The following TMED5 variants were observed in gnomAD, a reference collection of about 807,000 sequenced individuals.
The protein encoded by TMED5 is transmembrane emp24 domain-containing protein 5.
Under a neutral mutation model 23.0 loss-of-function variants are expected in TMED5, and 27 were observed. The ratio of observed to expected loss-of-function variants is 1.17; its 90% CI spans 0.86 to 1.62. TMED5 has a LOEUF of 1.62. TMED5 is among the 40% of genes most tolerant of loss of function. TMED5 has a pLI of 0.00. For synonymous variants in TMED5, 97 were observed against 100.8 expected, an observed-to-expected ratio of 0.96 and a Z score of 0.23; for missense variants, 248 against 273.7, an observed-to-expected ratio of 0.91 and a Z score of 0.66.
chr1:93,154,470 T>C lies in TMED5; in HGVS notation c.*200A>G. ...AAACCTATATTCTGCAAAATATTCC[T>C]GTTACACACTTAAGTACAACTGGAT... On this transcript the variant is annotated 3_prime_UTR_variant, in exon 4 of 4. Transcript: ENST00000370282. 1.7e-6 allele frequency: 1 copy of C among 574,568 alleles called. No homozygotes were observed. 35.6% of individuals were successfully genotyped at this position (574,568 alleles called of 1,614,324 possible). A position where few individuals can be genotyped will look rare whatever the true frequency, so the allele number is the denominator to read the frequency against.
chr1:93,171,078 T>G (rs1300007030), intron 1 of TMED5, among the ~76,000 whole-genome samples: 1 of 152,184 alleles, frequency 6.6e-6, no homozygotes, highest in East Asian at 1.9e-4. Context: ...TGCTGCTCAC[T>G]CTTTGGGTTC....
At chr1:93,169,062 T>C (rs778144351) in intron 1 of TMED5, among the ~76,000 whole-genome samples, 1 of 152,180 alleles carries the variant, frequency 6.6e-6, no homozygotes, top group Non-Finnish European at 1.5e-5. Flanking sequence ...TCAGTAAGGA[T>C]ATAGTTGAAC....
At chr1:93,156,103 G>T (rs1378393680) in intron 3 of TMED5, 197 bp downstream of exon 3, 37 of 1,380,662 alleles carry the variant, frequency 2.7e-5, no homozygotes, top group Admixed American at 2.3e-4. Flanking sequence ...TAAGTTATTT[G>T]AAAACTATAA....
At chr1:93,168,798 G>T (rs1648594398) in intron 1 of TMED5, among the ~76,000 whole-genome samples, 1 of 152,200 alleles carries the variant, frequency 6.6e-6, no homozygotes, top group Non-Finnish European at 1.5e-5. Flanking sequence ...TGGCACCACT[G>T]CACTAGAGCC....
chr1:93,163,812 AT>A (rs1648383280), intron 1 of TMED5, among the ~76,000 whole-genome samples: 1 of 150,554 alleles, frequency 6.6e-6, no homozygotes, highest in African/African-American at 2.4e-5. Context: ...CCTGTCTCTA[AT>A]AAAAAAAAAA....
At chr1:93,157,252 T>C (rs1057018963) in intron 2 of TMED5, among the ~76,000 whole-genome samples, 1 of 152,180 alleles carries the variant, frequency 6.6e-6, no homozygotes, top group Admixed American at 6.5e-5. Context: ...GGCTCCCTTA[T>C]AGATGTTTAT....
intron 1 of TMED5, among the ~76,000 whole-genome samples, chr1:93,177,584 C>CAA (rs11322215): frequency 0.014 from 626 of 44,434 alleles, 103 homozygotes; most frequent in African/African-American, 0.066. Context: ...GACTCTGTCT[C>CAA]AAAAAAAAAA....
At chr1:93,179,896 C>T in intron 1 of TMED5, 158 bp downstream of exon 1, 1 of 712,206 alleles carries the variant, frequency 1.4e-6, no homozygotes, top group Non-Finnish European at 2.2e-6. Context: ...GAGAGCCTCG[C>T]CTCGCCTCGC....
intron 1 of TMED5, among the ~76,000 whole-genome samples, chr1:93,171,151 C>T (rs912151018): frequency 1.3e-5 from 2 of 152,140 alleles, no homozygotes; most frequent in African/African-American, 2.4e-5. Context: ...CTGAAGCCAG[C>T]GAGACCACAA....
At chr1:93,175,314 T>C (rs1052299954) in intron 1 of TMED5, among the ~76,000 whole-genome samples, 186 of 109,054 alleles carry the variant, frequency 1.7e-3, no homozygotes, top group African/African-American at 5.0e-3. Context: ...TATATATATA[T>C]ATACACACAC....
At chr1:93,159,438 T>A (rs893775979) in intron 2 of TMED5, among the ~76,000 whole-genome samples, 5 of 152,036 alleles carry the variant, frequency 3.3e-5, no homozygotes, top group African/African-American at 9.7e-5. Flanking sequence ...GACTCACAGT[T>A]TAAACATATA....
chr1:93,156,106 A>G, intron 3 of TMED5, 194 bp downstream of exon 3: 1 of 1,366,054 alleles, frequency 7.3e-7, no homozygotes, highest in South Asian at 1.5e-5. Flanking sequence ...GTTATTTGAA[A>G]ACTATAAAAG....
intron 1 of TMED5, among the ~76,000 whole-genome samples, chr1:93,170,431 T>C (rs1648681400): frequency 6.6e-6 from 1 of 152,298 alleles, no homozygotes; most frequent in African/African-American, 2.4e-5. Context: ...CTGTGCTCGA[T>C]TTCTCGCAGG....
Position 93,160,112 on chromosome 1 carries a change from T to C in TMED5, c.287+17A>G. On this transcript the variant is annotated intron_variant, in intron 2 of 3. Transcript: ENST00000370282. ...GTATTATTCAGCAATGAAACTCAAC[T>C]AAAAGAGATTACTTACGTGTGAACT... is the stretch of plus-strand genomic sequence containing the variant. 6.4e-7 allele frequency: 1 copy of C among 1,557,502 alleles called. No homozygotes were observed. The highest frequency in any genetic ancestry group is 8.8e-7 in the Non-Finnish European group (1 of 1,130,110).
At chr1:93,167,918 G>T (rs1341405785) in intron 1 of TMED5, among the ~76,000 whole-genome samples, 3 of 152,128 alleles carry the variant, frequency 2.0e-5, no homozygotes, top group Non-Finnish European at 4.4e-5. Context: ...TTATGTTGAG[G>T]TATGTTTCTT....
intron 1 of TMED5, 91 bp downstream of exon 1, chr1:93,179,963 G>A (rs1451233128): frequency 8.7e-6 from 12 of 1,372,868 alleles, no homozygotes; most frequent in African/African-American, 1.5e-5. Flanking sequence ...CACCACCAGG[G>A]CCGTCCACCA....
chr1:93,165,084 T>G lies in TMED5; in HGVS notation c.190-4858A>C, dbSNP rs1648445962. Among the ~76,000 whole-genome samples the G allele has an allele frequency of 2.6e-5, 4 of 152,300 alleles. No homozygotes were observed. The South Asian group carries it at 8.3e-4, about 32-fold the overall frequency. ...CTAAGTCCAACAACTAGTAAGGAATTGAATCCTGTCAACAACCATGAGTGA... is the reference window on the plus strand; with the variant it reads ...CTAAGTCCAACAACTAGTAAGGAATGGAATCCTGTCAACAACCATGAGTGA... On this transcript the variant is annotated intron_variant, in intron 1 of 3. Coordinates refer to ENST00000370282, the MANE Select transcript of TMED5 (RefSeq NM_016040.5).
chr1:93,157,801 A>G (rs1648125985), intron 2 of TMED5, among the ~76,000 whole-genome samples: 1 of 152,222 alleles, frequency 6.6e-6, no homozygotes, highest in African/African-American at 2.4e-5. Flanking sequence ...TAATATAGCT[A>G]AAGATAAAAG....
chr1:93,151,549 T>C lies in TMED5; in HGVS notation c.*3121A>G, dbSNP rs1336384045. ...AGACCTGAATAATCAATTTCTGGGG[T>C]GAGGTGGAGCAGGTAAGTTCCCTGG... is the stretch of plus-strand genomic sequence containing the variant. On this transcript the variant is annotated 3_prime_UTR_variant, in exon 4 of 4. Coordinates refer to ENST00000370282, the MANE Select transcript of TMED5 (RefSeq NM_016040.5). 6.6e-6 allele frequency: 1 copy of C among 152,012 alleles called. No homozygotes were observed. Among genetic ancestry groups the C allele is most frequent in the Non-Finnish European group, 1.5e-5 (1 of 67,996 alleles). 9.4% of individuals were successfully genotyped at this position (152,012 alleles called of 1,614,324 possible). A position where few individuals can be genotyped will look rare whatever the true frequency, so the allele number is the denominator to read the frequency against.
Sources: gnomAD v4.1 joint callset for allele counts (sites outside exome capture counted in the v4.1 genomes callset) on GRCh38, gnomAD v4.1.1 for gene constraint, MANE v1.5 for transcripts, NCBI Gene and HGNC (gene_info 2026-07-23, HGNC 2026-07-21) for gene names.